The following TEAD3 variants were observed in gnomAD, a reference collection of about 807,000 sequenced individuals.
TEAD3 encodes the protein TEA domain transcription factor 3.
In TEAD3, 15 loss-of-function variants were observed where a neutral mutation model predicts 55.6. The ratio of observed to expected loss-of-function variants is 0.27; its 90% CI spans 0.18 to 0.42. TEAD3 has a LOEUF of 0.42. Among genes scored for constraint, TEAD3 ranks in the 10% least tolerant of loss-of-function variants. TEAD3 has a pLI of 1.00. For missense variants in TEAD3, 407 were observed against 576.8 expected (o/e 0.71, Z 3.01); for synonymous variants, 210 against 232.2 (o/e 0.90, Z 0.87).
rs530862648 is a variant in TEAD3, at chr6:35,479,183, G to GT, written c.342+121dup. 3.1e-4 allele frequency: 415 copies of GT among 1,349,488 alleles called. No individual in the cohort carries two copies. The African/African-American group carries it at 3.6e-3, about 12-fold the overall frequency. 83.6% of individuals were successfully genotyped at this position (1,349,488 alleles called of 1,614,324 possible). ...GTGAGCCACCACGCCCAGCCATTTC[G>GT]TTTTTTTAAAATGAGGCTTGCACAC... On this transcript the variant is annotated intron_variant, in intron 5 of 12. Transcript: ENST00000639578.
At chr6:35,479,694 C>A (rs533581261) in intron 4 of TEAD3, among the ~76,000 whole-genome samples, 1 of 152,204 alleles carries the variant, frequency 6.6e-6, no homozygotes, top group Non-Finnish European at 1.5e-5. Flanking sequence ...CTCTGAGATC[C>A]GCAGCTGCAG....
chr6:35,489,529 C>A (rs1306724339), intron 1 of TEAD3, among the ~76,000 whole-genome samples: 1 of 152,300 alleles, frequency 6.6e-6, no homozygotes, highest in Non-Finnish European at 1.5e-5. Context: ...TGCCGTACAG[C>A]CCTTTCTGTG....
chr6:35,486,555 G>C lies in TEAD3; in HGVS notation c.108C>G (p.Ser36Arg). 6.2e-7 allele frequency: 1 copy of C among 1,613,644 alleles called. No homozygotes were observed. The highest frequency in any genetic ancestry group is 8.5e-7 in the Non-Finnish European group (1 of 1,179,798). ...CCTGGAAGCTCTGCTCGATGTCCGG[G>C]CTCCACACGCCCTCCGCATCGTTGT... The change falls in exon 2 of 13, where the codon AGC becomes AGG. Residue 36 changes from serine to arginine, a missense_variant. By Grantham distance (110) the Ser-to-Arg change is moderately radical. Coordinates refer to ENST00000639578, the Ensembl canonical transcript of TEAD3. This position sits in a 1 kb window ranked among gnomAD's most constrained non-coding sequence, Gnocchi z 7.3.
chr6:35,477,328 A>AGGGGCGGCTGGATGGGGT, exon 8 of TEAD3: 2 of 1,606,990 alleles, frequency 1.2e-6, no homozygotes, highest in Non-Finnish European at 1.7e-6. Flanking sequence ...CGTCGGCGGC[A>AGGGGCGGCTGGATGGGGT]GGGGCGGCTG....
chr6:35,486,417 C>G lies in TEAD3; in HGVS notation c.202+44G>C. 6.3e-7 allele frequency: 1 copy of G among 1,578,362 alleles called. No homozygotes were observed. Among genetic ancestry groups the G allele is most frequent in the Non-Finnish European group, 8.6e-7 (1 of 1,158,864 alleles). ...ACCGGTTGGGTGAGAGGGCAGAGAG[C>G]AGGGGGAAGGGCCGCAGTCCCGCCC... On this transcript the variant is annotated intron_variant, in intron 2 of 12. Transcript: ENST00000639578. This position sits in a 1 kb window ranked among gnomAD's most constrained non-coding sequence, Gnocchi z 7.3.
At chr6:35,494,087 G>A (rs1453441585) in intron 1 of TEAD3, among the ~76,000 whole-genome samples, 1 of 152,166 alleles carries the variant, frequency 6.6e-6, no homozygotes, top group East Asian at 1.9e-4. Context: ...ACCCAGCCCT[G>A]CACAAGTTGC....
intron 5 of TEAD3, 34 bp from the exon 6 acceptor site, chr6:35,478,605 C>T (rs754531925): frequency 3.3e-5 from 51 of 1,558,942 alleles, no homozygotes; most frequent in Admixed American, 1.4e-4. Context: ...GCCAGGGCCA[C>T]GCTGGATGAG....
At position 35,488,509 on chromosome 6, in the gene TEAD3, G is replaced by T. The variant is rs1388991402; in HGVS notation, c.-49-1798C>A. Among the ~76,000 whole-genome samples, 1 of 152,088 alleles carries T rather than the reference G, an allele frequency of 6.6e-6. No individual in the cohort carries two copies. The highest frequency in any genetic ancestry group is 1.5e-5 in the Non-Finnish European group (1 of 68,020). On this transcript the variant is annotated intron_variant, in intron 1 of 12. Transcript: ENST00000639578. The surrounding 1 kb of genome is among the most constrained non-coding windows in gnomAD (Gnocchi z 4.2). ...ACTTAGCTCTGGGCAGCAGGGAAAG[G>T]GGAGGGGTGGAGATGTAGGGGACAC...
chr6:35,489,313 GCA>G (rs1768454164), intron 1 of TEAD3, among the ~76,000 whole-genome samples: 1 of 152,030 alleles, frequency 6.6e-6, no homozygotes, highest in Non-Finnish European at 1.5e-5. Context: ...TTGCCTTAGG[GCA>G]CACAACAAGT....
At position 35,483,825 on chromosome 6, in the gene TEAD3, T is replaced by TG. The variant is rs921574602; in HGVS notation, c.267+734dup. On this transcript the variant is annotated intron_variant, in intron 3 of 12. Transcript: ENST00000639578. The surrounding 1 kb of genome is among the most constrained non-coding windows in gnomAD (Gnocchi z 4.5). Reference sequence around the variant, plus strand: ...CCCACAGGCACAGCTCTTTCCTGCCTGGGGGGCTTGAAGAAGTTACTTAAC... The same window carrying TG: ...CCCACAGGCACAGCTCTTTCCTGCCTGGGGGGGCTTGAAGAAGTTACTTAAC... Among the ~76,000 whole-genome samples the TG allele has an allele frequency of 1.8e-4, 28 of 151,532 alleles. No homozygotes were observed. The highest frequency in any genetic ancestry group is 5.8e-4 in the African/African-American group (24 of 41,414).
chr6:35,495,458 ATACTGGCTCC>A (rs1163621805), intron 1 of TEAD3, among the ~76,000 whole-genome samples: 2 of 152,168 alleles, frequency 1.3e-5, no homozygotes, highest in African/African-American at 4.8e-5. Flanking sequence ...CTTGGGACTC[ATACTGGCTCC>A]TACCCTCTCC....
intron 1 of TEAD3, among the ~76,000 whole-genome samples, chr6:35,492,958 A>T (rs1181652270): frequency 1.3e-5 from 2 of 152,090 alleles, no homozygotes; most frequent in Non-Finnish European, 2.9e-5. Flanking sequence ...ATAGGGGGTC[A>T]CTGGGTTTCT....
rs1320172609 is a variant in TEAD3, at chr6:35,491,261, G to A, written c.-49-4550C>T. On this transcript the variant is annotated intron_variant, in intron 1 of 12. Coordinates refer to ENST00000639578, the Ensembl canonical transcript of TEAD3. This position sits in a 1 kb window ranked among gnomAD's most constrained non-coding sequence, Gnocchi z 4.4. ...ACCCACAGACTGACAGACAGAGCCGGTGGGGGGTGAAGGGAGAAGGGGAGA... is the reference window on the plus strand; with the variant it reads ...ACCCACAGACTGACAGACAGAGCCGATGGGGGGTGAAGGGAGAAGGGGAGA... Among the ~76,000 whole-genome samples the A allele has an allele frequency of 6.6e-6, 1 of 151,482 alleles. No individual in the cohort carries two copies. The highest frequency in any genetic ancestry group is 2.4e-5 in the African/African-American group (1 of 41,150).
intron 9 of TEAD3, 86 bp downstream of exon 9, chr6:35,476,216 C>A: frequency 1.9e-6 from 3 of 1,560,388 alleles, no homozygotes; most frequent in Non-Finnish European, 1.7e-6. Context: ...ACCCCCAACC[C>A]CCAGATCCTG....
At chr6:35,495,381 C>T (rs575573290) in intron 1 of TEAD3, among the ~76,000 whole-genome samples, 2 of 152,206 alleles carry the variant, frequency 1.3e-5, no homozygotes, top group South Asian at 2.1e-4. Flanking sequence ...AGCCATTCCC[C>T]AGCCCAGATG....
At position 35,475,991 on chromosome 6, in the gene TEAD3, G is replaced by T; in HGVS notation, c.828C>A (p.Pro276=). 1 of 1,564,270 alleles carries T rather than the reference G, an allele frequency of 6.4e-7. No homozygotes were observed. The highest frequency in any genetic ancestry group is 8.6e-7 in the Non-Finnish European group (1 of 1,156,950). Residue 276 remains proline, a synonymous_variant, in exon 10 of 13, where the codon CCC becomes CCA. Coordinates refer to ENST00000639578, the Ensembl canonical transcript of TEAD3. This position sits in a 1 kb window ranked among gnomAD's most constrained non-coding sequence, Gnocchi z 5.4. The stretch of plus-strand genomic sequence containing the variant: ...GCTCCTTCAATCCTCCCTTTTTCTC[G>T]GGGAATTTGTCATAGATCTGGCGCA...
intron 7 of TEAD3, among the ~76,000 whole-genome samples, chr6:35,477,838 CT>C (rs1309459939): frequency 2.0e-5 from 3 of 148,690 alleles, no homozygotes; most frequent in South Asian, 2.1e-4. Context: ...CACTCTCCAG[CT>C]TTTTTTTTTC....
intron 1 of TEAD3, among the ~76,000 whole-genome samples, chr6:35,487,806 C>T (rs1768418708): frequency 6.6e-6 from 1 of 152,158 alleles, no homozygotes; most frequent in African/African-American, 2.4e-5. Flanking sequence ...GAATAAAGCC[C>T]ATTATCCAGA....
At chr6:35,482,566 CAG>C (rs770832556) in intron 3 of TEAD3, among the ~76,000 whole-genome samples, 29 of 152,148 alleles carry the variant, frequency 1.9e-4, no homozygotes, top group Non-Finnish European at 3.5e-4. Flanking sequence ...ACCCTGAATT[CAG>C]GGGCTGGGAT....
Sources: allele counts gnomAD v4.1 joint callset (sites outside exome capture counted in the v4.1 genomes callset), GRCh38; gene constraint gnomAD v4.1.1; non-coding constraint Gnocchi (gnomAD v3.1); transcripts MANE v1.5; gene names NCBI Gene and HGNC (gene_info 2026-07-23, HGNC 2026-07-21).